PNRC1: variants seen among roughly 807,000 people sequenced by gnomAD.
PNRC1 encodes the protein proline-rich nuclear receptor coactivator 1.
A neutral mutation model predicts 20.2 loss-of-function variants in PNRC1; 6 were observed. The ratio of observed to expected loss-of-function variants is 0.30; its 90% CI spans 0.16 to 0.59. PNRC1 has a LOEUF of 0.59. Ranked by LOEUF, PNRC1 falls within the 20% of genes least tolerant of loss-of-function variation. PNRC1 has a pLI of 0.89. For synonymous variants in PNRC1, 202 were observed against 186.9 expected (o/e 1.08, Z -0.66); for missense variants, 488 against 430.2 (o/e 1.13, Z -1.19).
rs1017268237 is a variant in PNRC1 at position 89,080,947 on chromosome 6, T to C, written c.53T>C (p.Leu18Pro). The C allele has an allele frequency of 8.7e-6, 14 of 1,613,116 alleles. No homozygotes were observed. The highest frequency in any genetic ancestry group is 1.1e-5 in the Non-Finnish European group (13 of 1,180,026). ...GAGCCGCTCGTCCTGGGTGGCCGCCTTGCGCCGCTTGGCTTTTCCTCCCGA... is the reference window on the plus strand; with the variant it reads ...GAGCCGCTCGTCCTGGGTGGCCGCCCTGCGCCGCTTGGCTTTTCCTCCCGA... The part of the protein sequence containing the change: ...QREPLVLGGR[L>P]APLGFSSRGY... The change falls in exon 1 of 2, where the codon CTT becomes CCT. Residue 18 changes from leucine (L) to proline (P), a missense_variant. Transcript: ENST00000336032.
In PNRC1 at chr6:89,080,861, C is replaced by T; in HGVS notation, c.-34C>T. 1 of 1,601,134 alleles carries T rather than the reference C, an allele frequency of 6.2e-7. No homozygotes were observed. Among genetic ancestry groups the T allele is most frequent in the South Asian group, 1.1e-5 (1 of 90,980 alleles). On this transcript the variant is annotated 5_prime_UTR_variant, in exon 1 of 2. Coordinates refer to ENST00000336032, the MANE Select transcript of PNRC1 (RefSeq NM_006813.3). The stretch of plus-strand genomic sequence containing the variant: ...CTGGCTTCATTCACCTTCTCCTTCT[C>T]TCTTCGTTGCTGAGCGACAAGCTTC...
chr6:89,084,158 G>T lies in PNRC1; in HGVS notation c.946G>T (p.Ala316Ser). ...TTCCAACCAAAACAGGGAGCTGATG[G>T]CAGTACACTTAAAAACGCTCCTCAA... The part of the protein sequence containing the change: ...ENSNQNRELM[A>S]VHLKTLLKVQ... Residue 316 changes from alanine (A) to serine (S), a missense_variant, in exon 2 of 2, where the codon GCA becomes TCA. Transcript: ENST00000336032. 1 of 1,598,042 alleles carries T rather than the reference G, an allele frequency of 6.3e-7. No individual in the cohort carries two copies. Among genetic ancestry groups the T allele is most frequent in the Non-Finnish European group, 8.5e-7 (1 of 1,175,484 alleles).
chr6:89,084,171 A>C lies in PNRC1; in HGVS notation c.959A>C (p.Lys320Thr). 2 of 1,583,934 alleles carry C rather than the reference A, an allele frequency of 1.3e-6. No homozygotes were observed. The highest frequency in any genetic ancestry group is 1.2e-5 in the South Asian group (1 of 85,696). The change falls in exon 2 of 2, where the codon AAA (lysine) becomes ACA (threonine). Residue 320 changes from lysine (K) to threonine (T), a missense_variant. Lys to Thr is a moderately conservative substitution (Grantham distance 78). Transcript: ENST00000336032. ...QNRELMAVHL[K>T]TLLKVQT ...AGGGAGCTGATGGCAGTACACTTAAAAACGCTCCTCAAAGTTCAAACTTAG... is the reference window on the plus strand; with the variant it reads ...AGGGAGCTGATGGCAGTACACTTAACAACGCTCCTCAAAGTTCAAACTTAG...
rs1767990394 is a variant in PNRC1 at position 89,081,426 on chromosome 6, A to G, written c.532A>G (p.Arg178Gly). 7.6e-7 allele frequency: 1 copy of G among 1,323,862 alleles called. No homozygotes were observed. The allele number at this position is 1,323,862 out of a possible 1,614,324, so 82.0% of individuals were successfully genotyped here. A position where few individuals can be genotyped will look rare whatever the true frequency, so the allele number is the denominator to read the frequency against. ...CGCGGCTCCCGGCCAAACCCCCCTC[A>G]GGAAAGAGGTGAGGCCGCCAGGGGG... ...RPAAPGQTPL[R>G]KEVLKSKMGK... Residue 178 changes from arginine (R) to glycine (G), a missense_variant, in exon 1 of 2, where the codon AGG (arginine) becomes GGG (glycine). Physicochemically the swap from Arg to Gly is moderately radical, Grantham distance 125. Transcript: ENST00000336032.
chr6:89,084,261 T>C lies in PNRC1; in HGVS notation c.*65T>C. The C allele has an allele frequency of 8.5e-7, 1 of 1,176,404 alleles. No individual in the cohort carries two copies. Among genetic ancestry groups the C allele is most frequent in the Non-Finnish European group, 1.2e-6 (1 of 841,876 alleles). The allele number at this position is 1,176,404 out of a possible 1,614,324, so 72.9% of individuals were successfully genotyped here. ...CATATCCCTGGACTCTTGAGAAAAT[T>C]GGTACAGAAATGGAAATTTGCCTTG... is the stretch of plus-strand genomic sequence containing the variant. On this transcript the variant is annotated 3_prime_UTR_variant, in exon 2 of 2. Transcript: ENST00000336032.
intron 1 of PNRC1, chr6:89,082,527 T>TA (rs1768025150): frequency 1.3e-5 from 2 of 152,346 alleles, no homozygotes; most frequent in Non-Finnish European, 2.9e-5. Flanking sequence ...TTGTGCTTGT[T>TA]TCCTGGCCTG....
chr6:89,081,038 C>T lies in PNRC1; in HGVS notation c.144C>T (p.Pro48=). 1 of 1,611,500 alleles carries T rather than the reference C, an allele frequency of 6.2e-7. No homozygotes were observed. Among genetic ancestry groups the T allele is most frequent in the Non-Finnish European group, 8.5e-7 (1 of 1,179,862 alleles). ...CTCCTTTACCCCGGATCCCGGACCCCCGGGCACTGCCCCCGACCCTCTTCC... is the reference window on the plus strand; with the variant it reads ...CTCCTTTACCCCGGATCCCGGACCCTCGGGCACTGCCCCCGACCCTCTTCC... ...APPPLPRIPD[P]RALPPTLFLP... is the part of the protein sequence containing the mutation. Residue 48 remains proline, a synonymous_variant, in exon 1 of 2, where the codon CCC becomes CCT. Coordinates refer to ENST00000336032, the MANE Select transcript of PNRC1 (RefSeq NM_006813.3).
In PNRC1 at chr6:89,081,454, G is replaced by T. The variant is rs1356808027; in HGVS notation, c.540+20G>T. 1.6e-6 allele frequency: 2 copies of T among 1,285,294 alleles called. No homozygotes were observed. Among genetic ancestry groups the T allele is most frequent in the Non-Finnish European group, 2.0e-6 (2 of 1,020,470 alleles). 79.6% of individuals were successfully genotyped at this position (1,285,294 alleles called of 1,614,324 possible). On this transcript the variant is annotated intron_variant, in intron 1 of 1. Transcript: ENST00000336032. ...AAAGAGGTGAGGCCGCCAGGGGGCC[G>T]TTGGGGAGTCGGGCCCTTAGACGGT...
Position 89,081,107 on chromosome 6 carries a change from G to C in PNRC1, c.213G>C (p.Gln71His). ...LGGDGPCLTPQPRAPAALPNR... is the reference protein window; with the variant it reads ...LGGDGPCLTPHPRAPAALPNR... ...GAGATGGCCCGTGTCTGACCCCCCAGCCTCGCGCTCCAGCAGCTCTGCCCA... is the reference window on the plus strand; with the variant it reads ...GAGATGGCCCGTGTCTGACCCCCCACCCTCGCGCTCCAGCAGCTCTGCCCA... Residue 71 changes from glutamine to histidine, a missense_variant, in exon 1 of 2, where the codon CAG (glutamine) becomes CAC (histidine). Physicochemically the swap from Gln to His is conservative, Grantham distance 24. Transcript: ENST00000336032. 1 of 1,608,864 alleles carries C rather than the reference G, an allele frequency of 6.2e-7. No individual in the cohort carries two copies. The highest frequency in any genetic ancestry group is 1.1e-5 in the South Asian group (1 of 91,048).
In PNRC1 at chr6:89,081,264, C is replaced by A; in HGVS notation, c.370C>A (p.Leu124Met). Residue 124 changes from leucine (L) to methionine (M), a missense_variant, in exon 1 of 2, where the codon CTG becomes ATG. By Grantham distance (15) the Leu-to-Met change is conservative. Transcript: ENST00000336032. ...FHQYQQHRPSLEGGRSPATGP... is the reference protein window; with the variant it reads ...FHQYQQHRPSMEGGRSPATGP... ...CCAGTACCAGCAGCACCGGCCGAGTCTGGAGGGCGGCCGGAGCCCCGCGAC... is the reference window on the plus strand; with the variant it reads ...CCAGTACCAGCAGCACCGGCCGAGTATGGAGGGCGGCCGGAGCCCCGCGAC... The A allele has an allele frequency of 6.5e-7, 1 of 1,534,396 alleles. No individual in the cohort carries two copies. The highest frequency in any genetic ancestry group is 8.7e-7 in the Non-Finnish European group (1 of 1,149,888).
Position 89,083,001 on chromosome 6 carries a change from TG to T in PNRC1, c.541-751del, listed in dbSNP as rs1249524081. On this transcript the variant is annotated intron_variant, in intron 1 of 1. Coordinates refer to ENST00000336032, the MANE Select transcript of PNRC1 (RefSeq NM_006813.3). ...AAAGTCAAGGGAAATTTAAGTTTTT[TG>T]TTGTTTTTTTTTTCTTGAGACAGAG... 1.3e-4 allele frequency among the ~76,000 whole-genome samples: 19 copies of T among 145,564 alleles called. 1 individual carries two copies. Among genetic ancestry groups the T allele is most frequent in the East Asian group, 4.4e-4 (2 of 4,594 alleles).
chr6:89,084,725 A>G lies in PNRC1; in HGVS notation c.*529A>G, dbSNP rs1276001778. On this transcript the variant is annotated 3_prime_UTR_variant, in exon 2 of 2. Coordinates refer to ENST00000336032, the MANE Select transcript of PNRC1 (RefSeq NM_006813.3). ...TCCTATTCCCATTTTTGCTAAACTC[A>G]ATTTCTGGTTTTGGTATATATCCAT... The G allele has an allele frequency of 6.6e-6, 1 of 152,644 alleles. No individual in the cohort carries two copies. The highest frequency in any genetic ancestry group is 1.9e-4 in the East Asian group (1 of 5,208). The allele number at this position is 152,644 out of a possible 1,614,324, so 9.5% of individuals were successfully genotyped here.
chr6:89,080,767 C>T lies in PNRC1; in HGVS notation c.-128C>T. 5.7e-6 allele frequency: 5 copies of T among 881,844 alleles called. No individual in the cohort carries two copies. The highest frequency in any genetic ancestry group is 7.1e-6 in the Non-Finnish European group (4 of 562,168). 54.6% of individuals were successfully genotyped at this position (881,844 alleles called of 1,614,324 possible). A position where few individuals can be genotyped will look rare whatever the true frequency, so the allele number is the denominator to read the frequency against. On this transcript the variant is annotated 5_prime_UTR_variant, in exon 1 of 2. Coordinates refer to ENST00000336032, the MANE Select transcript of PNRC1 (RefSeq NM_006813.3). ...TGGCTATTTGTTGCTGCGCCGCCACCGCCCGAGTCATGTTCCGCGATCTTC... is the reference window on the plus strand; with the variant it reads ...TGGCTATTTGTTGCTGCGCCGCCACTGCCCGAGTCATGTTCCGCGATCTTC...
Position 89,081,387 on chromosome 6 carries a change from G to A in PNRC1, c.493G>A (p.Ala165Thr). 1 of 1,364,482 alleles carries A rather than the reference G, an allele frequency of 7.3e-7. No individual in the cohort carries two copies. The allele number at this position is 1,364,482 out of a possible 1,614,324, so 84.5% of individuals were successfully genotyped here. ...CACGGAGGGAGCCAGCCCCGACCTT[G>A]CCCCGCTGCGGCCCGCGGCTCCCGG... is the stretch of plus-strand genomic sequence containing the variant. ...AGTEGASPDL[A>T]PLRPAAPGQT... Residue 165 changes from alanine to threonine, a missense_variant, in exon 1 of 2, where the codon GCC becomes ACC. Ala to Thr is a moderately conservative substitution (Grantham distance 58). Transcript: ENST00000336032.
rs992671834 is a variant in PNRC1, at chr6:89,081,487, G to A, written c.540+53G>A. 38 of 1,066,846 alleles carry A rather than the reference G, an allele frequency of 3.6e-5. No homozygotes were observed. The South Asian group carries it at 1.3e-3, about 37-fold the overall frequency. 66.1% of individuals were successfully genotyped at this position (1,066,846 alleles called of 1,614,324 possible). On this transcript the variant is annotated intron_variant, in intron 1 of 1. Transcript: ENST00000336032. ...GTCGGGCCCTTAGACGGTCGCGGCCGAGCTCTGGGGCTGCAGACCCTGCAC... is the reference window on the plus strand; with the variant it reads ...GTCGGGCCCTTAGACGGTCGCGGCCAAGCTCTGGGGCTGCAGACCCTGCAC...
In PNRC1 at chr6:89,081,070, A is replaced by T. The variant is rs775615765; in HGVS notation, c.176A>T (p.His59Leu). Residue 59 changes from histidine to leucine, a missense_variant, in exon 1 of 2, where the codon CAT becomes CTT. Coordinates refer to ENST00000336032, the MANE Select transcript of PNRC1 (RefSeq NM_006813.3). ...CTGCCCCCGACCCTCTTCCTCCCTCATTTCCTAGGGGGAGATGGCCCGTGT... is the reference window on the plus strand; with the variant it reads ...CTGCCCCCGACCCTCTTCCTCCCTCTTTTCCTAGGGGGAGATGGCCCGTGT... ...RALPPTLFLP[H>L]FLGGDGPCLT... 1 of 1,609,488 alleles carries T rather than the reference A, an allele frequency of 6.2e-7. No homozygotes were observed.
At position 89,080,933 on chromosome 6, in the gene PNRC1, C is replaced by T. The variant is rs1407772427; in HGVS notation, c.39C>T (p.Val13=). Residue 13 remains valine, a synonymous_variant, in exon 1 of 2, where the codon GTC becomes GTT. Coordinates refer to ENST00000336032, the MANE Select transcript of PNRC1 (RefSeq NM_006813.3). The stretch of plus-strand genomic sequence containing the variant: ...CCGTCCCGCAGCGGGAGCCGCTCGT[C>T]CTGGGTGGCCGCCTTGCGCCGCTTG... The part of the protein sequence containing the change: ...VVSVPQREPL[V]LGGRLAPLGF... 1 of 1,613,042 alleles carries T rather than the reference C, an allele frequency of 6.2e-7. No homozygotes were observed. The highest frequency in any genetic ancestry group is 8.5e-7 in the Non-Finnish European group (1 of 1,180,010).
Position 89,083,817 on chromosome 6 carries a change from G to T in PNRC1, c.605G>T (p.Gly202Val). The T allele has an allele frequency of 6.2e-7, 1 of 1,613,208 alleles. No homozygotes were observed. The highest frequency in any genetic ancestry group is 8.5e-7 in the Non-Finnish European group (1 of 1,179,798). The change falls in exon 2 of 2, where the codon GGT becomes GTT. Residue 202 changes from glycine to valine, a missense_variant. Transcript: ENST00000336032. ...IALPHGQLVH[G>V]IHLYEQPKIN... ...CTTCCCCATGGCCAGCTTGTTCATG[G>T]TATACACTTGTATGAGCAACCAAAG...
rs760936320 is a variant in PNRC1, at chr6:89,084,125, G to A, written c.913G>A (p.Val305Ile). 6.2e-7 allele frequency: 1 copy of A among 1,611,944 alleles called. No homozygotes were observed. The highest frequency in any genetic ancestry group is 1.7e-5 in the Admixed American group (1 of 59,528). ...TCCTAGTCACTGGATGGGAAGCACT[G>A]TTGAAAATTCCAACCAAAACAGGGA... ...KPPSHWMGST[V>I]ENSNQNRELM... The change falls in exon 2 of 2, where the codon GTT becomes ATT. Residue 305 changes from valine to isoleucine, a missense_variant. Transcript: ENST00000336032.
Sources: gnomAD v4.1 joint callset for allele counts (sites outside exome capture counted in the v4.1 genomes callset) on GRCh38, gnomAD v4.1.1 for gene constraint, MANE v1.5 for transcripts, NCBI Gene and HGNC (gene_info 2026-07-23, HGNC 2026-07-21) for gene names.